The following DGKB variants were observed in gnomAD, a reference collection of about 807,000 sequenced individuals.
DGKB encodes 90 kDa diacylglycerol kinase.
DGKB carries 67 observed loss-of-function variants against 114.3 expected under a neutral mutation model. The ratio of observed to expected loss-of-function variants is 0.59; its 90% confidence interval spans 0.48 to 0.72. The LOEUF (loss-of-function observed/expected upper bound fraction) is 0.72. DGKB is among the 30% of genes least tolerant of loss of function. The pLI is 0.00. For synonymous variants in DGKB, 398 were observed against 323.1 expected, an observed-to-expected ratio of 1.23 and a Z score of -2.49; for missense variants, 907 against 975.2, an observed-to-expected ratio of 0.93 and a Z score of 0.93.
At chr7:14,957,758 G>GT (rs1264555366) in intron 1 of DGKB, among the ~76,000 whole-genome samples, 5 of 151,402 alleles carry the variant, frequency 3.3e-5, no homozygotes, top group Non-Finnish European at 5.9e-5. Flanking sequence ...TTTTTTCATG[G>GT]TTTTTTCTTA....
chr7:14,359,952 T>A (rs542291037), intron 21 of DGKB, among the ~76,000 whole-genome samples: 1 of 152,222 alleles, frequency 6.6e-6, no homozygotes, highest in Non-Finnish European at 1.5e-5. Context: ...GATGCAGCGA[T>A]CCCATTACTA....
At position 14,411,631 on chromosome 7, in the gene DGKB, T is replaced by C. The variant is rs897690099; in HGVS notation, c.1836-66240A>G. On this transcript the variant is annotated intron_variant, in intron 21 of 25. Transcript: ENST00000402815. ...CTTAAATTCCTGCATAATAGGATCA[T>C]AACAACCATCTTTCAAGGTGGCTGT... Among the ~76,000 whole-genome samples, 2 of 151,418 alleles carry C rather than the reference T, an allele frequency of 1.3e-5. 1 individual carries two copies. The highest frequency in any genetic ancestry group is 1.3e-4 in the Admixed American group (2 of 15,078).
intron 2 of DGKB, among the ~76,000 whole-genome samples, chr7:14,817,191 G>A (rs1844276590): frequency 6.6e-6 from 1 of 152,044 alleles, no homozygotes; most frequent in Admixed American, 6.5e-5. Context: ...ATTGCGTTAT[G>A]GTTGCCCCTA....
intron 2 of DGKB, among the ~76,000 whole-genome samples, chr7:14,775,165 C>A (rs1216001975): frequency 1.3e-5 from 2 of 151,644 alleles, no homozygotes; most frequent in Non-Finnish European, 2.9e-5. Context: ...GATTACATGG[C>A]ATTTTGAAGC....
chr7:14,849,759 A>G (rs1849100611), intron 1 of DGKB, among the ~76,000 whole-genome samples: 1 of 152,122 alleles, frequency 6.6e-6, no homozygotes, highest in Admixed American at 6.5e-5. Context: ...CACACTGACC[A>G]AACCTCACCA....
intron 1 of DGKB, among the ~76,000 whole-genome samples, chr7:14,871,228 G>A (rs1004380141): frequency 5.3e-5 from 8 of 152,046 alleles, no homozygotes; most frequent in Non-Finnish European, 8.8e-5. Flanking sequence ...ATCCATCACC[G>A]CATATATGTA....
At chr7:14,311,989 G>A (rs1278397306) in intron 23 of DGKB, among the ~76,000 whole-genome samples, 1 of 144,234 alleles carries the variant, frequency 6.9e-6, no homozygotes, top group Non-Finnish European at 1.5e-5. Context: ...AACACCAATT[G>A]CTGTTGCTGC....
At chr7:14,562,094 A>G (rs1796742007) in intron 20 of DGKB, among the ~76,000 whole-genome samples, 1 of 152,218 alleles carries the variant, frequency 6.6e-6, no homozygotes, top group African/African-American at 2.4e-5. Context: ...GGACCAAGGT[A>G]CAGCTCAGAA....
intron 9 of DGKB, among the ~76,000 whole-genome samples, chr7:14,688,708 TC>T (rs1160312140): frequency 6.6e-6 from 1 of 152,194 alleles, no homozygotes. Context: ...CTTTACATTT[TC>T]CCCAACTCTT....
intron 21 of DGKB, among the ~76,000 whole-genome samples, chr7:14,404,436 T>C (rs777914135): frequency 9.2e-5 from 14 of 151,892 alleles, no homozygotes; most frequent in South Asian, 2.1e-4. Context: ...TTTCTCTCAT[T>C]GTCCATTCTA....
intron 5 of DGKB, among the ~76,000 whole-genome samples, chr7:14,719,055 G>C (rs1222627555): frequency 6.6e-6 from 1 of 152,158 alleles, no homozygotes; most frequent in South Asian, 2.1e-4. Flanking sequence ...ATTTAAAATG[G>C]ACTTTTTCAC....
At chr7:14,157,944 C>G (rs1034684522) in intron 25 of DGKB, among the ~76,000 whole-genome samples, 8 of 152,166 alleles carry the variant, frequency 5.3e-5, no homozygotes, top group Non-Finnish European at 1.0e-4. Flanking sequence ...AATATTTCAA[C>G]TAAAATTTTC....
At chr7:14,307,766 A>G (rs1585045978) in intron 23 of DGKB, among the ~76,000 whole-genome samples, 1 of 152,300 alleles carries the variant, frequency 6.6e-6, no homozygotes, top group South Asian at 2.1e-4. Context: ...ATTATATCAC[A>G]TAGAGTTTTT....
At chr7:14,943,545 G>A (rs1187445016) in intron 1 of DGKB, among the ~76,000 whole-genome samples, 1 of 151,576 alleles carries the variant, frequency 6.6e-6, no homozygotes, top group Non-Finnish European at 1.5e-5. Context: ...TCCTAAACTT[G>A]GGTTTTTAGA....
At chr7:14,623,768 T>G (rs986035682) in intron 14 of DGKB, among the ~76,000 whole-genome samples, 3 of 152,196 alleles carry the variant, frequency 2.0e-5, no homozygotes, top group African/African-American at 7.2e-5. Flanking sequence ...GAAAGTTCCT[T>G]CTTTTTAAGT....
chr7:14,392,995 G>GT lies in DGKB; in HGVS notation c.1836-47605dup, dbSNP rs1554404748. 9.9e-4 allele frequency among the ~76,000 whole-genome samples: 60 copies of GT among 60,558 alleles called. 4 individuals are homozygous for GT. The East Asian group carries it at 0.026, about 27-fold the overall frequency. 39.7% of individuals were successfully genotyped at this position (60,558 alleles called of 152,430 possible). A position where few individuals can be genotyped will look rare whatever the true frequency, so the allele number is the denominator to read the frequency against. ...CAAAACAGACCTGTTTTTTGTTTTTGTTTTTTTTTTTTTGAGACGGAGTCT... is the reference window on the plus strand; with the variant it reads ...CAAAACAGACCTGTTTTTTGTTTTTGTTTTTTTTTTTTTTGAGACGGAGTCT... On this transcript the variant is annotated intron_variant, in intron 21 of 25. Transcript: ENST00000402815.
rs754004056 is a variant in DGKB, at chr7:14,178,017, A to G, written c.2243+14T>C. ...CATATCAAACGCCTTTGTCAGTTAC[A>G]GAAAGGGAACTACCTGATGACCACG... On this transcript the variant is annotated intron_variant, in intron 24 of 25. Transcript: ENST00000402815. 1.1e-5 allele frequency: 17 copies of G among 1,535,556 alleles called. No homozygotes were observed. In the Middle Eastern group the frequency reaches 5.3e-4, roughly 48 times the overall value.
At chr7:14,595,641 A>G (rs1345275024) in intron 17 of DGKB, among the ~76,000 whole-genome samples, 1 of 151,280 alleles carries the variant, frequency 6.6e-6, no homozygotes, top group Admixed American at 6.6e-5. Flanking sequence ...ATAAAAAATC[A>G]CATTAGATTG....
intron 1 of DGKB, among the ~76,000 whole-genome samples, chr7:14,876,993 T>A (rs923733219): frequency 6.6e-6 from 1 of 152,216 alleles, no homozygotes; most frequent in African/African-American, 2.4e-5. Flanking sequence ...ATCTTGCACA[T>A]TTTATGTGCT....
Sources: allele counts gnomAD v4.1 joint callset (sites outside exome capture counted in the v4.1 genomes callset), GRCh38; gene constraint gnomAD v4.1.1; transcripts MANE v1.5; gene names NCBI Gene and HGNC (gene_info 2026-07-23, HGNC 2026-07-21).